MAB21L4: variants seen among roughly 807,000 people sequenced by gnomAD.
MAB21L4 encodes mab-21 like 4, also known as protein mab-21-like 4.
Under a neutral mutation model 32.4 loss-of-function variants are expected in MAB21L4, and 25 were observed. The observed-to-expected ratio is 0.77, with a 90% CI of 0.56 to 1.08. The LOEUF (loss-of-function observed/expected upper bound fraction) is 1.08. Ranked by LOEUF, MAB21L4 falls within the 50% of genes least tolerant of loss-of-function variation. The probability of loss-of-function intolerance (pLI) is 0.00; values close to 1 mark genes in which losing one functional copy is unlikely to be tolerated. For missense variants in MAB21L4, 638 were observed against 611.0 expected (o/e 1.04, Z -0.47); for synonymous variants, 280 against 276.8 (o/e 1.01, Z -0.11).
chr2:240,895,962 G>A lies in MAB21L4; in HGVS notation c.36C>T (p.Ala12=), dbSNP rs12105122. The A allele has an allele frequency of 0.49, 727,395 of 1,473,150 alleles. 182,656 individuals are homozygous for A. The highest frequency in any genetic ancestry group is 0.72 in the African/African-American group (50,991 of 70,976). 91.3% of individuals were successfully genotyped at this position (1,473,150 alleles called of 1,614,324 possible). The change falls in exon 1 of 5, where the codon GCC becomes GCT. Residue 12 remains alanine (A), a synonymous_variant. Transcript: ENST00000388934. Reference sequence around the variant, plus strand: ...AGTGGTGCCACAGGGGCACCTGCACGGCCATGGCTGAGGTGGGGAGAGCAG... The same window carrying A: ...AGTGGTGCCACAGGGGCACCTGCACAGCCATGGCTGAGGTGGGGAGAGCAG... ...PAPALPTSAM[A]VQVPLWHHYL... is the part of the protein sequence containing the mutation.
intron 1 of MAB21L4, among the ~76,000 whole-genome samples, chr2:240,894,969 G>A (rs570482279): frequency 1.6e-4 from 24 of 152,250 alleles, no homozygotes; most frequent in South Asian, 6.2e-4. Context: ...CTGCACTCAC[G>A]CGCACGCAGG....
intron 1 of MAB21L4, 116 bp downstream of exon 1, chr2:240,895,368 T>A: frequency 9.7e-7 from 1 of 1,027,570 alleles, no homozygotes; most frequent in Non-Finnish European, 1.4e-6. Flanking sequence ...GTCGCCACCC[T>A]GTGTGCACGT....
At position 240,895,836 on chromosome 2, in the gene MAB21L4, G is replaced by A. The variant is rs765578940; in HGVS notation, c.162C>T (p.Asp54=). ...LTVLERVHAL[D]PRFIVDYSRG... Reference sequence around the variant, plus strand: ...GGGAGTAGTCCACGATGAAGCGGGGGTCCAGGGCATGCACGCGCTCCAGCA... The same window carrying A: ...GGGAGTAGTCCACGATGAAGCGGGGATCCAGGGCATGCACGCGCTCCAGCA... Residue 54 remains aspartate (D), a synonymous_variant, in exon 1 of 5, where the codon GAC becomes GAT. Coordinates refer to ENST00000388934, the MANE Select transcript of MAB21L4 (RefSeq NM_001085437.3). 1.0e-5 allele frequency: 16 copies of A among 1,585,026 alleles called. No individual in the cohort carries two copies. The highest frequency in any genetic ancestry group is 1.7e-5 in the Admixed American group (1 of 57,830).
At chr2:240,887,839 C>T (rs4675870) in intron 4 of MAB21L4, among the ~76,000 whole-genome samples, 5,399 of 152,146 alleles carry the variant, frequency 0.035, 430 homozygotes, top group East Asian at 0.31. Flanking sequence ...CAGGCACCCA[C>T]GAGAAGTGGC....
intron 1 of MAB21L4, among the ~76,000 whole-genome samples, chr2:240,894,106 C>T (rs1362776685): frequency 2.6e-5 from 4 of 151,822 alleles, no homozygotes; most frequent in Non-Finnish European, 4.4e-5. Flanking sequence ...CTATGTGCGG[C>T]GGTGGCAGCA....
chr2:240,888,188 G>A (rs1575719656), intron 4 of MAB21L4, 104 bp downstream of exon 4: 7 of 942,896 alleles, frequency 7.4e-6, no homozygotes, highest in Non-Finnish European at 1.1e-5. Flanking sequence ...CAGCATTCCT[G>A]GGGCTGCTGA....
Position 240,891,596 on chromosome 2 carries a change from A to G in MAB21L4, c.682T>C (p.Leu228=). 6.2e-7 allele frequency: 1 copy of G among 1,610,320 alleles called. No homozygotes were observed. Among genetic ancestry groups the G allele is most frequent in the Non-Finnish European group, 8.5e-7 (1 of 1,179,948 alleles). ...ACCCCTTGGCTGAGGATCCTTCTCA[A>G]GCTGCCCTCAGGGAATCCGGGCATC... ...QQMPGFPEGS[L]RRILSQGVDL... is the part of the protein sequence containing the mutation. Residue 228 remains leucine, a synonymous_variant, in exon 2 of 5, where the codon TTG becomes CTG. Transcript: ENST00000388934.
chr2:240,895,527 T>G lies in MAB21L4; in HGVS notation c.471A>C (p.Val157=). The change falls in exon 1 of 5, where the codon GTA becomes GTC. Residue 157 remains valine (V), a synonymous_variant. Transcript: ENST00000388934. ...KVLCVLKDLL[V]AAIVHCKHHS... is the part of the protein sequence containing the mutation. ...GGTGCTTGCAGTGTACGATGGCTGC[T>G]ACCAGCAGGTCCTTGAGGACACACA... is the stretch of plus-strand genomic sequence containing the variant. 1 of 1,596,466 alleles carries G rather than the reference T, an allele frequency of 6.3e-7. No homozygotes were observed. The highest frequency in any genetic ancestry group is 8.5e-7 in the Non-Finnish European group (1 of 1,169,938).
intron 1 of MAB21L4, among the ~76,000 whole-genome samples, chr2:240,894,928 C>T (rs1252128068): frequency 1.3e-5 from 2 of 152,238 alleles, no homozygotes; most frequent in Non-Finnish European, 2.9e-5. Flanking sequence ...TGATAAGACA[C>T]GGGCACACAC....
rs915873827 is a variant in MAB21L4, at chr2:240,887,300, G to A, written c.1252-138C>T. On this transcript the variant is annotated intron_variant, in intron 4 of 4. Transcript: ENST00000388934. The stretch of plus-strand genomic sequence containing the variant: ...GCCTTCCTGCCCCGGGTATCTGCCT[G>A]GACAGGCATCCTAGAGGCGGAGCGG... The A allele has an allele frequency of 6.6e-5, 45 of 682,952 alleles. No homozygotes were observed. The African/African-American group carries it at 6.8e-4, about 10-fold the overall frequency. 42.3% of individuals were successfully genotyped at this position (682,952 alleles called of 1,614,324 possible). A position where few individuals can be genotyped will look rare whatever the true frequency, so the allele number is the denominator to read the frequency against.
rs527663370 is a variant in MAB21L4, at chr2:240,892,898, G to A, written c.515-1135C>T. ...GTGTAATGGGGCTGGAGCTGGGGCT[G>A]GGGGCATTCTGGTGAGTCCAGGGGC... On this transcript the variant is annotated intron_variant, in intron 1 of 4. Transcript: ENST00000388934. 4.0e-4 allele frequency among the ~76,000 whole-genome samples: 61 copies of A among 152,338 alleles called. No individual in the cohort carries two copies. The Middle Eastern group carries it at 0.017, about 42-fold the overall frequency.
chr2:240,890,367 C>T (rs1319250961), intron 2 of MAB21L4, among the ~76,000 whole-genome samples: 1 of 152,220 alleles, frequency 6.6e-6, no homozygotes, highest in Non-Finnish European at 1.5e-5. Flanking sequence ...CTCCCTGGCC[C>T]TGAATACGGA....
At chr2:240,889,727 C>T (rs1173672452) in intron 3 of MAB21L4, among the ~76,000 whole-genome samples, 1 of 152,204 alleles carries the variant, frequency 6.6e-6, no homozygotes, top group South Asian at 2.1e-4. Flanking sequence ...AGATTCTACC[C>T]AACAGTGTCC....
At chr2:240,888,208 GA>G (rs1274240201) in intron 4 of MAB21L4, 83 bp downstream of exon 4, 17 of 1,134,474 alleles carry the variant, frequency 1.5e-5, no homozygotes, top group Non-Finnish European at 1.9e-5. Flanking sequence ...ACCTGGGAGA[GA>G]ATGGGCAGGG....
Position 240,886,980 on chromosome 2 carries a change from C to A in MAB21L4, c.*90G>T. On this transcript the variant is annotated 3_prime_UTR_variant, in exon 5 of 5. Transcript: ENST00000388934. ...TACCCCCTCAAGGAGAAGCCCGTTT[C>A]TTCTTCCAAACATCCCAGGAGCCTC... 1 of 1,029,474 alleles carries A rather than the reference C, an allele frequency of 9.7e-7. No homozygotes were observed. Among genetic ancestry groups the A allele is most frequent in the South Asian group, 1.4e-5 (1 of 72,066 alleles). 63.8% of individuals were successfully genotyped at this position (1,029,474 alleles called of 1,614,324 possible).
chr2:240,893,180 C>G (rs2059164742), intron 1 of MAB21L4, among the ~76,000 whole-genome samples: 1 of 152,208 alleles, frequency 6.6e-6, no homozygotes, highest in African/African-American at 2.4e-5. Context: ...TGGGAAAGGT[C>G]CCCATCATGA....
rs761060645 is a variant in MAB21L4, at chr2:240,888,548, A to G, written c.995T>C (p.Leu332Pro). The G allele has an allele frequency of 6.2e-7, 1 of 1,608,904 alleles. No homozygotes were observed. The highest frequency in any genetic ancestry group is 2.2e-5 in the East Asian group (1 of 44,826). The change falls in exon 4 of 5, where the codon CTG becomes CCG. Residue 332 changes from leucine to proline, a missense_variant. Leu to Pro is a moderately conservative substitution (Grantham distance 98, BLOSUM62 -3). Coordinates refer to ENST00000388934, the MANE Select transcript of MAB21L4 (RefSeq NM_001085437.3). ...YRLLVVLLCC[L>P]ATRKLPHFLH... ...GAAGTGGGGCAGCTTCCGCGTGGCC[A>G]GGCAACAGAGCAGCACCACCAGCAG...
rs1246496514 is a variant in MAB21L4 at position 240,886,096 on chromosome 2, G to C, written c.*974C>G. 1 of 154,016 alleles carries C rather than the reference G, an allele frequency of 6.5e-6. No homozygotes were observed. The highest frequency in any genetic ancestry group is 2.4e-5 in the African/African-American group (1 of 41,482). The allele number at this position is 154,016 out of a possible 1,614,324, so 9.5% of individuals were successfully genotyped here. On this transcript the variant is annotated 3_prime_UTR_variant, in exon 5 of 5. Transcript: ENST00000388934. ...ACTCACAGTCCCGCAGGCTATACAG[G>C]AAGCATGGCTGGGAGGCCTCAGGAA...
At chr2:240,892,625 C>A (rs891895431) in intron 1 of MAB21L4, among the ~76,000 whole-genome samples, 2 of 151,754 alleles carry the variant, frequency 1.3e-5, no homozygotes, top group Non-Finnish European at 2.9e-5. Flanking sequence ...CAGCCACCCC[C>A]GTTTCTGGGC....
Sources: gnomAD v4.1 joint callset for allele counts (sites outside exome capture counted in the v4.1 genomes callset) on GRCh38, gnomAD v4.1.1 for gene constraint, MANE v1.5 for transcripts, NCBI Gene and HGNC (gene_info 2026-07-23, HGNC 2026-07-21) for gene names.